Variants in LRRC43 observed in about 807,000 individuals in gnomAD.
The protein encoded by LRRC43 is leucine-rich repeat-containing protein 43.
LRRC43 carries 62 observed loss-of-function variants against 64.3 expected under a neutral mutation model. The observed-to-expected ratio is 0.96, with a 90% CI of 0.79 to 1.19. LRRC43 has a LOEUF of 1.19. LRRC43 is among the 50% of genes most tolerant of loss of function. The pLI, the probability that LRRC43 is intolerant of heterozygous loss-of-function variation, is 0.00. For synonymous variants in LRRC43, 422 were observed against 382.3 expected, an observed-to-expected ratio of 1.10 and a Z score of -1.21; for missense variants, 868 against 845.0, an observed-to-expected ratio of 1.03 and a Z score of -0.34.
upstream of LRRC43, among the ~76,000 whole-genome samples, chr12:122,181,807 T>G (rs1213956307): frequency 6.6e-6 from 1 of 150,960 alleles, no homozygotes; most frequent in Non-Finnish European, 1.5e-5. Flanking sequence ...GGTTTCACCA[T>G]GTTGATCAGG....
intron 1 of LRRC43, among the ~76,000 whole-genome samples, chr12:122,177,847 T>TA: frequency 6.6e-6 from 1 of 151,186 alleles, no homozygotes; most frequent in East Asian, 1.9e-4. Context: ...TTTATTTATT[T>TA]ATTATTTTGA....
intron 7 of LRRC43, among the ~76,000 whole-genome samples, chr12:122,197,780 A>G (rs1953787150): frequency 6.6e-6 from 1 of 151,954 alleles, no homozygotes; most frequent in Non-Finnish European, 1.5e-5. Flanking sequence ...GAGGAAGATG[A>G]CTGCAGTGGA....
intron 11 of LRRC43, 22 bp from the exon 12 acceptor site, chr12:122,203,293 G>T: frequency 6.2e-7 from 1 of 1,607,286 alleles, no homozygotes. Context: ...CGGGGCTCAT[G>T]CTCGCACTTA....
chr12:122,192,760 C>G lies in LRRC43; in HGVS notation c.1105C>G (p.Pro369Ala), dbSNP rs1953732400. Reference sequence around the variant, plus strand: ...CTTCCTGCAGATCGTCAAGCCCTCTCCCAGCTTAGAATTATTAGTTGAGGA... The same window carrying G: ...CTTCCTGCAGATCGTCAAGCCCTCTGCCAGCTTAGAATTATTAGTTGAGGA... ...GVLAEIVKPS[P>A]SLELLVEESP... is the part of the protein sequence containing the mutation. The change falls in exon 7 of 12, where the codon CCC becomes GCC. Residue 369 changes from proline to alanine, a missense_variant. Coordinates refer to ENST00000339777, the MANE Select transcript of LRRC43 (RefSeq NM_001098519.2). The G allele has an allele frequency of 1.2e-6, 2 of 1,613,636 alleles. No individual in the cohort carries two copies. Among genetic ancestry groups the G allele is most frequent in the Non-Finnish European group, 8.5e-7 (1 of 1,179,608 alleles).
intron 7 of LRRC43, among the ~76,000 whole-genome samples, chr12:122,193,975 A>G (rs1339710856): frequency 1.3e-5 from 2 of 152,224 alleles, no homozygotes; most frequent in South Asian, 2.1e-4. Context: ...GTATTCTCAC[A>G]CATAAAGTGC....
intron 7 of LRRC43, among the ~76,000 whole-genome samples, chr12:122,198,284 G>A (rs1325855147): frequency 6.6e-6 from 1 of 152,102 alleles, no homozygotes; most frequent in Non-Finnish European, 1.5e-5. Flanking sequence ...ACTGCGCCCG[G>A]CCGAGATATA....
intron 1 of LRRC43, among the ~76,000 whole-genome samples, chr12:122,178,018 T>A (rs1209762092): frequency 1.2e-4 from 18 of 151,492 alleles, no homozygotes; most frequent in African/African-American, 4.4e-4. Context: ...TTGTATTTTT[T>A]GTAGAGACAG....
chr12:122,200,368 T>G lies in LRRC43; in HGVS notation c.1491+38T>G. 6.2e-7 allele frequency: 1 copy of G among 1,608,272 alleles called. No homozygotes were observed. The highest frequency in any genetic ancestry group is 1.1e-5 in the South Asian group (1 of 90,860). ...AGGCAGTGCCCGGCCATCCACAGGC[T>G]GCACTTCTGTCCTTGTTCCTGTTCC... On this transcript the variant is annotated intron_variant, in intron 8 of 11. Transcript: ENST00000339777. This position sits in a 1 kb window ranked among gnomAD's most constrained non-coding sequence, Gnocchi z 4.6.
chr12:122,197,393 T>C (rs1566012420), intron 7 of LRRC43, among the ~76,000 whole-genome samples: 2 of 152,114 alleles, frequency 1.3e-5, no homozygotes, highest in Non-Finnish European at 2.9e-5. Flanking sequence ...CTCAAACTTC[T>C]GACCTCAGGT....
chr12:122,174,260 G>T, intron 1 of LRRC43: 1 of 1,499,406 alleles, frequency 6.7e-7, no homozygotes, highest in African/African-American at 1.4e-5. Context: ...AAAGGGCCAG[G>T]GTGAGGAGAA....
intron 1 of LRRC43, chr12:122,174,180 G>A (rs1953516879): frequency 6.2e-7 from 1 of 1,614,150 alleles, no homozygotes; most frequent in South Asian, 1.1e-5. Context: ...CATGGCGAGA[G>A]AGAGCAAGGC....
chr12:122,184,592 G>GC lies in LRRC43; in HGVS notation c.228dup (p.Gly77ArgfsTer67). 6.2e-7 allele frequency: 1 copy of GC among 1,613,936 alleles called. No homozygotes were observed. The highest frequency in any genetic ancestry group is 8.5e-7 in the Non-Finnish European group (1 of 1,179,888). On this transcript the variant is annotated frameshift_variant, in exon 2 of 12. Coordinates refer to ENST00000339777, the MANE Select transcript of LRRC43 (RefSeq NM_001098519.2). LOFTEE classifies it high-confidence loss of function. This position sits in a 1 kb window ranked among gnomAD's most constrained non-coding sequence, Gnocchi z 4.0. ...GTCCCCAGAGAGGAGGATGTGGTGA[G>GC]CCCCGGAGAGGAGACGGTGGAGGCC...
At position 122,186,286 on chromosome 12, in the gene LRRC43, C is replaced by T. The variant is rs1438994768; in HGVS notation, c.508C>T (p.Pro170Ser). Residue 170 changes from proline to serine, a missense_variant, in exon 3 of 12, where the codon CCC becomes TCC. By Grantham distance (74) the Pro-to-Ser change is moderately conservative. Coordinates refer to ENST00000339777, the MANE Select transcript of LRRC43 (RefSeq NM_001098519.2). ...RIKEVDATNL[P>S]PTLKVLELYG... ...CAAGGAGGTGGATGCCACCAATCTG[C>T]CCCCCACACTCAAGGTGAAGGAGCC... The T allele has an allele frequency of 1.5e-5, 24 of 1,596,968 alleles. 1 individual carries two copies. The highest frequency in any genetic ancestry group is 4.6e-5 in the South Asian group (4 of 87,822).
intron 3 of LRRC43, 39 bp downstream of exon 3, chr12:122,186,339 C>T (rs753418820): frequency 3.5e-5 from 48 of 1,359,280 alleles, no homozygotes; most frequent in East Asian, 3.2e-4. Flanking sequence ...TTTGGGCCTC[C>T]GCTGCCCAGA....
At chr12:122,199,259 T>G (rs1483979738) in intron 7 of LRRC43, among the ~76,000 whole-genome samples, 1 of 148,262 alleles carries the variant, frequency 6.7e-6, no homozygotes, top group African/African-American at 2.5e-5. Flanking sequence ...AGCCTGGGGC[T>G]AGGCTAGAAT....
intron 1 of LRRC43, among the ~76,000 whole-genome samples, chr12:122,173,477 A>G (rs1228967004): frequency 6.6e-6 from 1 of 152,228 alleles, no homozygotes; most frequent in African/African-American, 2.4e-5. Context: ...TGAGGTCAGG[A>G]GTTCAAGACC....
chr12:122,183,976 A>G (rs1415164327), intron 1 of LRRC43, among the ~76,000 whole-genome samples: 1 of 152,064 alleles, frequency 6.6e-6, no homozygotes, highest in Non-Finnish European at 1.5e-5. Flanking sequence ...CCTGACCTCA[A>G]GTGATCCACC....
chr12:122,200,477 C>G lies in LRRC43; in HGVS notation c.1492-55C>G. On this transcript the variant is annotated intron_variant, in intron 8 of 11. Coordinates refer to ENST00000339777, the MANE Select transcript of LRRC43 (RefSeq NM_001098519.2). The surrounding 1 kb of genome is among the most constrained non-coding windows in gnomAD (Gnocchi z 4.6). ...TCCAGAAAGGGTGAGGGAGAGGTGA[C>G]CCCAGGCAGCCCGCCTGGGCCTCTG... The G allele has an allele frequency of 6.2e-7, 1 of 1,611,444 alleles. No homozygotes were observed. The highest frequency in any genetic ancestry group is 1.7e-5 in the Admixed American group (1 of 60,018).
At position 122,184,422 on chromosome 12, in the gene LRRC43, T is replaced by C. The variant is rs1953616662; in HGVS notation, c.151-97T>C. The C allele has an allele frequency of 8.3e-6, 12 of 1,447,328 alleles. No individual in the cohort carries two copies. Among genetic ancestry groups the C allele is most frequent in the Admixed American group, 4.4e-5 (2 of 45,124 alleles). 89.7% of individuals were successfully genotyped at this position (1,447,328 alleles called of 1,614,324 possible). A position where few individuals can be genotyped will look rare whatever the true frequency, so the allele number is the denominator to read the frequency against. ...TCTCTAGATTTCTAAACTCTATCCC[T>C]AATCGTCCAGTTTTATGATCTGTTC... On this transcript the variant is annotated intron_variant, in intron 1 of 11. Coordinates refer to ENST00000339777, the MANE Select transcript of LRRC43 (RefSeq NM_001098519.2). This position sits in a 1 kb window ranked among gnomAD's most constrained non-coding sequence, Gnocchi z 4.0.
Sources: gnomAD v4.1 joint callset for allele counts (sites outside exome capture counted in the v4.1 genomes callset) on GRCh38, gnomAD v4.1.1 for gene constraint, Gnocchi (gnomAD v3.1) non-coding constraint, MANE v1.5 for transcripts, NCBI Gene and HGNC (gene_info 2026-07-23, HGNC 2026-07-21) for gene names.